CACNA2D1: variants seen among roughly 807,000 people sequenced by gnomAD.
The protein encoded by CACNA2D1 is voltage-dependent calcium channel subunit alpha-2/delta-1.
A neutral mutation model predicts 171.5 loss-of-function variants in CACNA2D1; 53 were observed. That is an observed-to-expected ratio of 0.31 (90% CI 0.25 to 0.39). The LOEUF is 0.39. CACNA2D1 is among the 10% of genes least tolerant of loss of function. The pLI is 1.00. For missense variants in CACNA2D1, 903 were observed against 1,299.8 expected, an observed-to-expected ratio of 0.69 and a Z score of 4.69; for synonymous variants, 442 against 443.1, an observed-to-expected ratio of 1.00 and a Z score of 0.03.
intron 36 of CACNA2D1, 57 bp downstream of exon 36, chr7:81,961,837 T>A: frequency 2.5e-5 from 8 of 314,156 alleles, no homozygotes; most frequent in Non-Finnish European, 3.9e-5. Flanking sequence ...TTAATGATTA[T>A]AACAGTATAT....
chr7:82,309,363 G>T (rs1333162776), intron 3 of CACNA2D1, among the ~76,000 whole-genome samples: 1 of 151,900 alleles, frequency 6.6e-6, no homozygotes, highest in Non-Finnish European at 1.5e-5. Context: ...CCAAGATCAT[G>T]CCATTGCACT....
chr7:82,267,481 T>C (rs1206738388), intron 3 of CACNA2D1, among the ~76,000 whole-genome samples: 2 of 152,196 alleles, frequency 1.3e-5, no homozygotes, highest in East Asian at 3.9e-4. Flanking sequence ...TAACGATTCA[T>C]CTGAAGACTT....
In CACNA2D1 at chr7:82,136,680, C is replaced by CA. The variant is rs142849270; in HGVS notation, c.355-5dup. 126,399 of 1,238,188 alleles carry CA rather than the reference C, an allele frequency of 0.1. 1,593 individuals carry two copies. Among genetic ancestry groups the CA allele is most frequent in the Middle Eastern group, 0.18 (848 of 4,840 alleles). 76.7% of individuals were successfully genotyped at this position (1,238,188 alleles called of 1,614,324 possible). On this transcript the variant is annotated splice_region_variant and splice_polypyrimidine_tract_variant and intron_variant, in intron 4 of 38. Coordinates refer to ENST00000356860, the MANE Select transcript of CACNA2D1 (RefSeq NM_000722.4). ...TGTAGTAGACAACTTCATTGCTCTA[C>CA]AAAAAAAAAAGAACGCTTTATTGAT...
chr7:82,126,792 A>G (rs1279044329), intron 5 of CACNA2D1, among the ~76,000 whole-genome samples: 1 of 152,176 alleles, frequency 6.6e-6, no homozygotes, highest in East Asian at 1.9e-4. Flanking sequence ...CTTTCATGCT[A>G]TATAAACCTC....
chr7:82,301,689 G>A (rs1272269554), intron 3 of CACNA2D1, among the ~76,000 whole-genome samples: 2 of 149,046 alleles, frequency 1.3e-5, no homozygotes, highest in Non-Finnish European at 3.0e-5. Context: ...ACATAAATAA[G>A]GGATGTTTGC....
At chr7:82,433,152 C>T (rs1457377189) in intron 1 of CACNA2D1, among the ~76,000 whole-genome samples, 2 of 151,238 alleles carry the variant, frequency 1.3e-5, no homozygotes, top group East Asian at 1.9e-4. Flanking sequence ...CACACCACTG[C>T]ACTCCAGCCT....
intron 3 of CACNA2D1, among the ~76,000 whole-genome samples, chr7:82,330,395 T>G (rs1045096340): frequency 1.3e-5 from 2 of 152,110 alleles, no homozygotes; most frequent in African/African-American, 4.8e-5. Context: ...AAGCAATAAT[T>G]TCACCAAAAA....
At chr7:81,957,779 C>T (rs1793592196) in intron 38 of CACNA2D1, among the ~76,000 whole-genome samples, 1 of 152,062 alleles carries the variant, frequency 6.6e-6, no homozygotes, top group Non-Finnish European at 1.5e-5. Context: ...CACACACAAC[C>T]CATTTATAGG....
At chr7:82,086,002 T>A (rs1385906053) in intron 6 of CACNA2D1, among the ~76,000 whole-genome samples, 1 of 152,130 alleles carries the variant, frequency 6.6e-6, no homozygotes, top group Non-Finnish European at 1.5e-5. Flanking sequence ...AAGGCATAAT[T>A]TTCTATGTAA....
At position 82,067,799 on chromosome 7, in the gene CACNA2D1, A is replaced by G. The variant is rs76705267; in HGVS notation, c.659-1275T>C. ...ATACACACATCAGTTCACTTTCATT[A>G]TCCCTCTATGATATCTGACTCTCCA... On this transcript the variant is annotated intron_variant, in intron 7 of 38. Transcript: ENST00000356860. 1.7e-3 allele frequency among the ~76,000 whole-genome samples: 252 copies of G among 152,234 alleles called. 3 individuals are homozygous for G. The East Asian group carries it at 0.019, about 11-fold the overall frequency.
At chr7:82,266,642 G>A (rs976504697) in intron 3 of CACNA2D1, among the ~76,000 whole-genome samples, 4 of 151,808 alleles carry the variant, frequency 2.6e-5, no homozygotes, top group African/African-American at 7.3e-5. Context: ...TCAGCCTCCC[G>A]AGTAGGCAGG....
At chr7:81,969,825 G>C in intron 28 of CACNA2D1, 56 bp downstream of exon 28, 1 of 912,118 alleles carries the variant, frequency 1.1e-6, no homozygotes, top group Non-Finnish European at 1.8e-6. Context: ...GCAGATAGTA[G>C]CAGTAATTTA....
intron 3 of CACNA2D1, among the ~76,000 whole-genome samples, chr7:82,322,991 A>G (rs1302457778): frequency 6.6e-6 from 1 of 152,232 alleles, no homozygotes. Flanking sequence ...TCAAGAGATT[A>G]AAAAACAAAG....
intron 3 of CACNA2D1, among the ~76,000 whole-genome samples, chr7:82,324,032 T>C (rs17156125): frequency 0.019 from 2,926 of 152,228 alleles, 120 homozygotes; most frequent in African/African-American, 0.066. Context: ...GGGAGGAAAA[T>C]GCACTCTCTA....
chr7:82,190,407 T>C (rs888389566), intron 3 of CACNA2D1, among the ~76,000 whole-genome samples: 2 of 151,890 alleles, frequency 1.3e-5, no homozygotes, highest in East Asian at 1.9e-4. Flanking sequence ...TAAAAGACAA[T>C]AGCAATTCTT....
At chr7:82,094,174 T>C (rs1254543587) in intron 6 of CACNA2D1, among the ~76,000 whole-genome samples, 4 of 151,842 alleles carry the variant, frequency 2.6e-5, no homozygotes, top group Non-Finnish European at 5.9e-5. Context: ...GCACAGTACA[T>C]AGAAGTCGGC....
chr7:82,066,484 A>G lies in CACNA2D1; in HGVS notation c.699T>C (p.Ile233=). 2 of 1,610,616 alleles carry G rather than the reference A, an allele frequency of 1.2e-6. No individual in the cohort carries two copies. Among genetic ancestry groups the G allele is most frequent in the African/African-American group, 1.3e-5 (1 of 74,726 alleles). The change falls in exon 8 of 39, where the codon ATT becomes ATC. Residue 233 remains isoleucine, a synonymous_variant. Transcript: ENST00000356860. ...WVDNSRTPNK[I]DLYDVRRRPW... is the part of the protein sequence containing the mutation. Reference sequence around the variant, plus strand: ...GTCTTCTGCGTACATCATAAAGGTCAATCTTATTTGGAGTTCTACTATTAT... The same window carrying G: ...GTCTTCTGCGTACATCATAAAGGTCGATCTTATTTGGAGTTCTACTATTAT...
At chr7:82,149,222 A>C (rs1215197825) in intron 4 of CACNA2D1, among the ~76,000 whole-genome samples, 1 of 152,154 alleles carries the variant, frequency 6.6e-6, no homozygotes, top group Non-Finnish European at 1.5e-5. Context: ...AGCCTCCCTC[A>C]TAAGGTTGTT....
intron 18 of CACNA2D1, among the ~76,000 whole-genome samples, chr7:82,004,350 C>G (rs538802376): frequency 7.2e-5 from 11 of 151,902 alleles, no homozygotes; most frequent in African/African-American, 2.7e-4. Context: ...AACAGCTACA[C>G]GTGCTACAGA....
Sources: allele counts gnomAD v4.1 joint callset (sites outside exome capture counted in the v4.1 genomes callset), GRCh38; gene constraint gnomAD v4.1.1; transcripts MANE v1.5; gene names NCBI Gene and HGNC (gene_info 2026-07-23, HGNC 2026-07-21).